NAV3: variants seen among roughly 807,000 people sequenced by gnomAD.
NAV3 encodes pore membrane and/or filament interacting like protein 1.
A neutral mutation model predicts 244.7 loss-of-function variants in NAV3; 87 were observed. The observed-to-expected ratio is 0.36, with a 90% CI of 0.30 to 0.42. The LOEUF is 0.42. NAV3 is among the 20% of genes least tolerant of loss of function. The pLI is 1.00. For synonymous variants in NAV3, 1,126 were observed against 1,042.2 expected (o/e 1.08, Z -1.55); for missense variants, 2,663 against 2,893.3 (o/e 0.92, Z 1.83).
At chr12:77,716,810 G>T (rs569608515) in intron 2 of NAV3, among the ~76,000 whole-genome samples, 2 of 151,870 alleles carry the variant, frequency 1.3e-5, no homozygotes. Flanking sequence ...TATAAAAAGG[G>T]TTCTGCAAGT....
chr12:77,816,308 G>A (rs1011151395), intron 2 of NAV3, among the ~76,000 whole-genome samples: 12 of 152,140 alleles, frequency 7.9e-5, no homozygotes, highest in Non-Finnish European at 1.6e-4. Context: ...CTCAGTAACA[G>A]CAGAAGGTGC....
At chr12:78,120,272 T>C (rs573440655) in intron 15 of NAV3, among the ~76,000 whole-genome samples, 38 of 152,158 alleles carry the variant, frequency 2.5e-4, no homozygotes, top group South Asian at 1.4e-3. Flanking sequence ...CTTGTAAAAT[T>C]TCTATAGATT....
chr12:78,208,920 A>T (rs1221920594), intron 39 of NAV3, among the ~76,000 whole-genome samples: 3 of 152,130 alleles, frequency 2.0e-5, no homozygotes, highest in African/African-American at 7.2e-5. Context: ...AAGAAATGGG[A>T]GAAGGAATAT....
intron 22 of NAV3, among the ~76,000 whole-genome samples, chr12:78,154,510 A>G (rs989660692): frequency 1.3e-5 from 2 of 151,206 alleles, no homozygotes; most frequent in South Asian, 2.1e-4. Flanking sequence ...TTCTCTTTAC[A>G]TATCTATTCA....
intron 2 of NAV3, among the ~76,000 whole-genome samples, chr12:77,818,851 A>G (rs1565825805): frequency 6.6e-6 from 1 of 152,136 alleles, no homozygotes; most frequent in Non-Finnish European, 1.5e-5. Context: ...ATGAAAATAA[A>G]TGTATTAATT....
chr12:78,197,304 G>T lies in NAV3; in HGVS notation c.6349G>T (p.Val2117Leu). Residue 2117 changes from valine to leucine, a missense_variant, in exon 35 of 40, where the codon GTG becomes TTG. Coordinates refer to ENST00000397909, the MANE Select transcript of NAV3 (RefSeq NM_001024383.2). ...AEQCSADNNG[V>L]ELPVVIILDN... is the part of the protein sequence containing the mutation. ...ACAGTGCAGTGCTGATAATAATGGA[G>T]TGGAGCTCCCAGTTGTAATAATTCT... is the stretch of plus-strand genomic sequence containing the variant. 3 of 1,609,034 alleles carry T rather than the reference G, an allele frequency of 1.9e-6. No individual in the cohort carries two copies. The highest frequency in any genetic ancestry group is 2.5e-6 in the Non-Finnish European group (3 of 1,176,988).
intron 1 of NAV3, among the ~76,000 whole-genome samples, chr12:77,904,220 A>C (rs1290065053): frequency 6.6e-6 from 1 of 152,232 alleles, no homozygotes; most frequent in Non-Finnish European, 1.5e-5. Flanking sequence ...CACTATTCAC[A>C]ATAGCACAGA....
At chr12:77,881,767 T>G (rs1456638070) in intron 1 of NAV3, among the ~76,000 whole-genome samples, 1 of 152,114 alleles carries the variant, frequency 6.6e-6, no homozygotes, top group Non-Finnish European at 1.5e-5. Flanking sequence ...CAGTAGCATT[T>G]CTATACACCA....
chr12:77,769,529 T>A (rs1869962592), intron 2 of NAV3, among the ~76,000 whole-genome samples: 1 of 152,178 alleles, frequency 6.6e-6, no homozygotes. Flanking sequence ...TACATTTTTT[T>A]ATTCTAAAAG....
At chr12:78,101,099 T>C (rs1385490916) in intron 12 of NAV3, among the ~76,000 whole-genome samples, 2 of 152,202 alleles carry the variant, frequency 1.3e-5, no homozygotes, top group Non-Finnish European at 2.9e-5. Flanking sequence ...GTAATGACTA[T>C]AGTTTGTGAC....
intron 2 of NAV3, among the ~76,000 whole-genome samples, chr12:77,736,135 G>A (rs137997674): frequency 1.5e-4 from 23 of 152,242 alleles, no homozygotes; most frequent in African/African-American, 5.5e-4. Flanking sequence ...CATATTTTAG[G>A]CCATATGCAT....
chr12:77,711,562 T>C lies in NAV3; in HGVS notation c.72+139296T>C, dbSNP rs557506749. On this transcript the variant is annotated intron_variant, in intron 2 of 8. Transcript: ENST00000550042. The stretch of plus-strand genomic sequence containing the variant: ...AGAAATTACAAACAGGATCTGGTCC[T>C]TTTTTGGCCATGGTATGGAATGCGG... 3.3e-4 allele frequency among the ~76,000 whole-genome samples: 50 copies of C among 152,312 alleles called. 2 individuals are homozygous for C. Among genetic ancestry groups the C allele is most frequent in the Admixed American group, 3.0e-3 (46 of 15,296 alleles).
At position 78,177,261 on chromosome 12, in the gene NAV3, A is replaced by G; in HGVS notation, c.5245A>G (p.Asn1749Asp). The change falls in exon 27 of 40, where the codon AAT becomes GAT. Residue 1749 changes from asparagine (N) to aspartate (D), a missense_variant. Asn to Asp is a conservative substitution (Grantham distance 23, BLOSUM62 1). This residue lies in a region of NAV3 where 193 missense variants were observed against 200.7 expected (regional missense o/e 0.96). Coordinates refer to ENST00000397909, the MANE Select transcript of NAV3 (RefSeq NM_001024383.2). ...SLPASPKLPH[N>D]AGDCGSASMK... is the part of the protein sequence containing the mutation. ...TCCGGCATCCCCCAAGTTACCCCAT[A>G]ATGCTGGTGACTGTGGCTCAGCATC... 2 of 1,613,512 alleles carry G rather than the reference A, an allele frequency of 1.2e-6. No individual in the cohort carries two copies. Among genetic ancestry groups the G allele is most frequent in the Non-Finnish European group, 1.7e-6 (2 of 1,179,670 alleles).
chr12:78,064,739 G>A (rs1884805822), intron 12 of NAV3, among the ~76,000 whole-genome samples: 1 of 151,962 alleles, frequency 6.6e-6, no homozygotes. Flanking sequence ...TAAAGTATTA[G>A]TATGTATAAT....
intron 12 of NAV3, among the ~76,000 whole-genome samples, chr12:78,063,197 G>A (rs1293463966): frequency 6.6e-6 from 1 of 152,126 alleles, no homozygotes; most frequent in Non-Finnish European, 1.5e-5. Context: ...TAAAGATATT[G>A]CAGTTCATTT....
At position 77,584,172 on chromosome 12, in the gene NAV3, G is replaced by A. The variant is rs12317135; in HGVS notation, c.72+11906G>A. Among the ~76,000 whole-genome samples, 1,228 of 152,280 alleles carry A rather than the reference G, an allele frequency of 8.1e-3. 13 individuals carry two copies. The highest frequency in any genetic ancestry group is 0.027 in the African/African-American group (1,142 of 41,570). The stretch of plus-strand genomic sequence containing the variant: ...CTCATGTATTGTTTGTTTGCAGTCA[G>A]CCTCTACCAGGTCAGGGACATTGCT... On this transcript the variant is annotated intron_variant, in intron 2 of 8. Transcript: ENST00000550042.
chr12:77,995,338 A>C (rs888833417), intron 6 of NAV3, among the ~76,000 whole-genome samples: 1 of 152,170 alleles, frequency 6.6e-6, no homozygotes, highest in Non-Finnish European at 1.5e-5. Flanking sequence ...ATAATAGTTT[A>C]ATTTTTTTGC....
intron 2 of NAV3, among the ~76,000 whole-genome samples, chr12:77,604,645 G>C (rs1015019776): frequency 2.6e-5 from 4 of 151,880 alleles, no homozygotes; most frequent in Admixed American, 2.6e-4. Flanking sequence ...CTGAACTGTA[G>C]GTTTCTTTTT....
intron 1 of NAV3, among the ~76,000 whole-genome samples, chr12:77,845,089 C>G (rs116353617): frequency 0.012 from 1,755 of 151,996 alleles, 28 homozygotes; most frequent in African/African-American, 0.04. Flanking sequence ...ATAGAACTAA[C>G]GAGAAAAATT....
Sources: allele counts gnomAD v4.1 joint callset (sites outside exome capture counted in the v4.1 genomes callset), GRCh38; gene constraint gnomAD v4.1.1; regional missense constraint gnomAD v4.1.1; transcripts MANE v1.5; gene names NCBI Gene and HGNC (gene_info 2026-07-23, HGNC 2026-07-21).